ARID1B: variants seen among roughly 807,000 people sequenced by gnomAD.
ARID1B encodes AT-rich interactive domain-containing protein 1B.
A neutral mutation model predicts 212.3 loss-of-function variants in ARID1B; 30 were observed. The ratio of observed to expected loss-of-function variants is 0.14; its 90% CI spans 0.11 to 0.19. The LOEUF is 0.19. Ranked by LOEUF, ARID1B falls within the 10% of genes least tolerant of loss-of-function variation. The pLI, the probability that ARID1B is intolerant of heterozygous loss-of-function variation, is 1.00. For missense variants in ARID1B, 2,891 were observed against 3,204.0 expected, an observed-to-expected ratio of 0.90 and a Z score of 2.36; for synonymous variants, 1,402 against 1,301.7, an observed-to-expected ratio of 1.08 and a Z score of -1.66.
intron 3 of ARID1B, among the ~76,000 whole-genome samples, chr6:156,906,374 C>A (rs886524333): frequency 6.6e-6 from 1 of 151,384 alleles, no homozygotes; most frequent in Non-Finnish European, 1.5e-5. Context: ...ATGGAGAAAC[C>A]CTGTCTCTAC....
chr6:157,134,649 A>G (rs1389499571), intron 7 of ARID1B, among the ~76,000 whole-genome samples: 1 of 152,184 alleles, frequency 6.6e-6, no homozygotes, highest in Non-Finnish European at 1.5e-5. Flanking sequence ...GACATGTAGC[A>G]GTTTGTTGCA....
At chr6:157,077,355 T>C (rs1358666962) in intron 4 of ARID1B, among the ~76,000 whole-genome samples, 2 of 152,208 alleles carry the variant, frequency 1.3e-5, no homozygotes, top group African/African-American at 4.8e-5. Context: ...TTTCTGGACC[T>C]CTGTGGCTCC....
At chr6:156,893,850 A>G (rs1490262741) in intron 2 of ARID1B, among the ~76,000 whole-genome samples, 1 of 152,240 alleles carries the variant, frequency 6.6e-6, no homozygotes, top group Non-Finnish European at 1.5e-5. Flanking sequence ...GGGAATGTGA[A>G]ATGGTGCAGC....
At chr6:156,853,497 G>A (rs192335664) in intron 2 of ARID1B, among the ~76,000 whole-genome samples, 1 of 152,204 alleles carries the variant, frequency 6.6e-6, no homozygotes, top group Admixed American at 6.5e-5. Flanking sequence ...TGCAGGACAG[G>A]TGCTTTTTTC....
At chr6:156,829,115 T>C in intron 1 of ARID1B, 112 bp from the exon 2 acceptor site, 1 of 874,314 alleles carries the variant, frequency 1.1e-6, no homozygotes, top group Non-Finnish European at 1.7e-6. Flanking sequence ...TTTTTAATAT[T>C]TTTAAAACTT....
intron 3 of ARID1B, among the ~76,000 whole-genome samples, chr6:156,917,664 G>C (rs79301754): frequency 1.3e-5 from 2 of 152,190 alleles, no homozygotes; most frequent in African/African-American, 2.4e-5. Context: ...AACAGTCAAG[G>C]TCATTTAGAT....
At chr6:156,992,894 T>C (rs1778352050) in intron 4 of ARID1B, among the ~76,000 whole-genome samples, 1 of 152,142 alleles carries the variant, frequency 6.6e-6, no homozygotes, top group Non-Finnish European at 1.5e-5. Flanking sequence ...TGTTTTGGAT[T>C]TAAAGAAAGA....
At chr6:156,985,668 T>C (rs1777875268) in intron 4 of ARID1B, 1 of 152,280 alleles carries the variant, frequency 6.6e-6, no homozygotes, top group Non-Finnish European at 1.5e-5. Context: ...AATCTCTTTT[T>C]ATTATTAAAA....
intron 4 of ARID1B, among the ~76,000 whole-genome samples, chr6:157,019,422 A>C (rs1780095106): frequency 6.6e-6 from 1 of 152,232 alleles, no homozygotes; most frequent in South Asian, 2.1e-4. Flanking sequence ...ATACATGAAG[A>C]AGCTGAGGCC....
rs563726898 is a variant in ARID1B, at chr6:157,154,143, A to G, written c.3089+5192A>G. The stretch of plus-strand genomic sequence containing the variant: ...TTTGGAAATTTCAGCATTATCCAGA[A>G]TTTTTTCTTGGAAATGAGCTCTAGG... On this transcript the variant is annotated intron_variant, in intron 8 of 19. Transcript: ENST00000636930. 2.6e-5 allele frequency among the ~76,000 whole-genome samples: 4 copies of G among 152,224 alleles called. No individual in the cohort carries two copies. The East Asian group carries it at 7.7e-4, about 29-fold the overall frequency.
intron 1 of ARID1B, among the ~76,000 whole-genome samples, chr6:156,798,132 G>A (rs1175460101): frequency 2.0e-5 from 3 of 152,266 alleles, no homozygotes; most frequent in Non-Finnish European, 4.4e-5. Context: ...GGAGCGGGGT[G>A]TTTGATGTGT....
intron 2 of ARID1B, among the ~76,000 whole-genome samples, chr6:156,879,797 C>T (rs758495621): frequency 7.9e-5 from 12 of 152,160 alleles, no homozygotes; most frequent in Admixed American, 1.3e-4. Flanking sequence ...GTGCAGCGTG[C>T]GCATATGTGT....
rs117669034 is a variant in ARID1B, at chr6:157,062,637, T to C, written c.2248-22025T>C. On this transcript the variant is annotated intron_variant, in intron 4 of 19. Transcript: ENST00000636930. ...GATGAGCACTCGCTACTTGCCTTCC[T>C]CCTGTGATGTTTGTTGTTTCATACA... 2.6e-3 allele frequency among the ~76,000 whole-genome samples: 400 copies of C among 151,902 alleles called. 5 individuals are homozygous for C. The East Asian group carries it at 0.031, about 12-fold the overall frequency.
chr6:156,993,017 A>T (rs1447930830), intron 4 of ARID1B, among the ~76,000 whole-genome samples: 4 of 151,084 alleles, frequency 2.6e-5, no homozygotes, highest in Non-Finnish European at 4.4e-5. Context: ...GAGCCATTTT[A>T]GGCCATAATT....
intron 4 of ARID1B, among the ~76,000 whole-genome samples, chr6:156,996,986 A>G (rs1393520300): frequency 6.6e-6 from 1 of 152,212 alleles, no homozygotes; most frequent in Non-Finnish European, 1.5e-5. Flanking sequence ...TGTTATTCAT[A>G]GAGAGTATGG....
intron 4 of ARID1B, among the ~76,000 whole-genome samples, chr6:156,946,314 G>A (rs1012428735): frequency 2.6e-5 from 4 of 152,058 alleles, no homozygotes; most frequent in Non-Finnish European, 4.4e-5. Context: ...GGAGGTTGCC[G>A]TGAGCCGAGA....
At chr6:157,083,584 A>C (rs1784770552) in intron 4 of ARID1B, among the ~76,000 whole-genome samples, 1 of 152,162 alleles carries the variant, frequency 6.6e-6, no homozygotes, top group Admixed American at 6.5e-5. Flanking sequence ...GTCTGTCCTC[A>C]GTAACGTAAC....
chr6:156,885,154 A>G (rs1224226752), intron 2 of ARID1B, among the ~76,000 whole-genome samples: 1 of 152,204 alleles, frequency 6.6e-6, no homozygotes, highest in Non-Finnish European at 1.5e-5. Flanking sequence ...TTCAGAACTA[A>G]AATATTTTAG....
intron 6 of ARID1B, among the ~76,000 whole-genome samples, chr6:157,122,624 G>A (rs143935103): frequency 1.5e-3 from 231 of 152,288 alleles, no homozygotes; most frequent in African/African-American, 4.7e-3. Context: ...AACCTGCCAG[G>A]GCACCATTTC....
Sources: gnomAD v4.1 joint callset for allele counts (sites outside exome capture counted in the v4.1 genomes callset) on GRCh38, gnomAD v4.1.1 for gene constraint, MANE v1.5 for transcripts, NCBI Gene and HGNC (gene_info 2026-07-23, HGNC 2026-07-21) for gene names.